Variants in PTPRJ observed in about 807,000 individuals in gnomAD.
The protein encoded by PTPRJ is receptor-type tyrosine-protein phosphatase eta.
In PTPRJ, 129 loss-of-function variants were observed where a neutral mutation model predicts 141.3. That is an observed-to-expected ratio of 0.91 (90% CI 0.79 to 1.06). The LOEUF (loss-of-function observed/expected upper bound fraction) is 1.06, where lower values mean the gene tolerates loss of function less well. PTPRJ is among the 50% of genes least tolerant of loss of function. The pLI, the probability that PTPRJ is intolerant of heterozygous loss-of-function variation, is 0.00. For synonymous variants in PTPRJ, 610 were observed against 640.5 expected (o/e 0.95, Z 0.72); for missense variants, 1,601 against 1,679.7 (o/e 0.95, Z 0.82).
At chr11:48,146,302 A>G (rs1366062230) in intron 14 of PTPRJ, among the ~76,000 whole-genome samples, 1 of 152,220 alleles carries the variant, frequency 6.6e-6, no homozygotes, top group Non-Finnish European at 1.5e-5. Context: ...CAGGGATCCA[A>G]GAGGGGTGCA....
intron 1 of PTPRJ, among the ~76,000 whole-genome samples, chr11:47,995,777 C>T (rs538116521): frequency 2.0e-5 from 3 of 152,196 alleles, no homozygotes; most frequent in East Asian, 1.9e-4. Flanking sequence ...TGGTGGCTCA[C>T]GCCAGTAGTC....
rs75992819 is a variant in PTPRJ at position 47,988,204 on chromosome 11, G to C, written c.96+7196G>C. Among the ~76,000 whole-genome samples, 1,492 of 152,172 alleles carry C rather than the reference G, an allele frequency of 9.8e-3. 30 individuals are homozygous for C. Among genetic ancestry groups the C allele is most frequent in the African/African-American group, 0.034 (1,426 of 41,494 alleles). On this transcript the variant is annotated intron_variant, in intron 1 of 24. Coordinates refer to ENST00000418331, the MANE Select transcript of PTPRJ (RefSeq NM_002843.4). Reference sequence around the variant, plus strand: ...AACACAGTGGTTCTGAATCTTTCTTGGGGGGGAAAAGAAGAGATACAAGAC... The same window carrying C: ...AACACAGTGGTTCTGAATCTTTCTTCGGGGGGAAAAGAAGAGATACAAGAC...
Position 48,121,243 on chromosome 11 carries a change from C to G in PTPRJ, c.593C>G (p.Pro198Arg). Residue 198 changes from proline to arginine, a missense_variant, in exon 4 of 25, where the codon CCC becomes CGC. Physicochemically the swap from Pro to Arg is moderately radical, Grantham distance 103 (BLOSUM62 -2). Transcript: ENST00000418331. ...ATAGGCAATGAGACTTGGGGAGATCCCAGAGTCATAAAAGTCATCACAGGT... is the reference window on the plus strand; with the variant it reads ...ATAGGCAATGAGACTTGGGGAGATCGCAGAGTCATAAAAGTCATCACAGGT... ...PGIGNETWGDPRVIKVITEPI... is the reference protein window; with the variant it reads ...PGIGNETWGDRRVIKVITEPI... 6.2e-7 allele frequency: 1 copy of G among 1,614,010 alleles called. No homozygotes were observed. Among genetic ancestry groups the G allele is most frequent in the South Asian group, 1.1e-5 (1 of 91,072 alleles).
intron 14 of PTPRJ, 108 bp from the exon 15 acceptor site, chr11:48,146,768 G>A (rs1590557077): frequency 1.3e-6 from 1 of 796,544 alleles, no homozygotes; most frequent in Admixed American, 1.8e-5. Flanking sequence ...TGTGTGTATG[G>A]TATACACACT....
intron 1 of PTPRJ, among the ~76,000 whole-genome samples, chr11:47,982,482 T>A (rs976391851): frequency 6.6e-6 from 1 of 152,214 alleles, no homozygotes; most frequent in Admixed American, 6.5e-5. Flanking sequence ...GTGGGGGCTG[T>A]CTTCTCCCTG....
chr11:48,006,051 C>G (rs761676529), intron 1 of PTPRJ, among the ~76,000 whole-genome samples: 1 of 152,176 alleles, frequency 6.6e-6, no homozygotes, highest in Non-Finnish European at 1.5e-5. Flanking sequence ...CAGGCTGGAC[C>G]TGGTTGGGCA....
chr11:47,984,223 A>AAGGGG (rs1565242611), intron 1 of PTPRJ, among the ~76,000 whole-genome samples: 16 of 152,254 alleles, frequency 1.1e-4, no homozygotes, highest in African/African-American at 3.9e-4. Context: ...CAAATGAGCA[A>AAGGGG]TTTTGGTCAG....
chr11:48,156,188 T>C, intron 21 of PTPRJ, 69 bp downstream of exon 21: 1 of 1,333,990 alleles, frequency 7.5e-7, no homozygotes, highest in Non-Finnish European at 1.0e-6. Context: ...CAGAAGGGTA[T>C]CTTAAAAACC....
rs1294309088 is a variant in PTPRJ at position 47,980,571 on chromosome 11, A to C, written c.-342A>C. 3.4e-5 allele frequency: 33 copies of C among 982,752 alleles called. No homozygotes were observed. Among genetic ancestry groups the C allele is most frequent in the East Asian group, 1.1e-4 (1 of 8,734 alleles). The allele number at this position is 982,752 out of a possible 1,614,324, so 60.9% of individuals were successfully genotyped here. ...GGCTCCCTGCAGCAGCCCCAGCCGCATGACGCGCGGAGGAGGCAGCGGGAG... is the reference window on the plus strand; with the variant it reads ...GGCTCCCTGCAGCAGCCCCAGCCGCCTGACGCGCGGAGGAGGCAGCGGGAG... On this transcript the variant is annotated 5_prime_UTR_variant, in exon 1 of 25. It removes an upstream start codon present in the reference 5' UTR. Coordinates refer to ENST00000418331, the MANE Select transcript of PTPRJ (RefSeq NM_002843.4).
At chr11:48,068,942 C>G (rs924077692) in intron 1 of PTPRJ, among the ~76,000 whole-genome samples, 1 of 152,196 alleles carries the variant, frequency 6.6e-6, no homozygotes, top group Non-Finnish European at 1.5e-5. Flanking sequence ...TGCTGATACT[C>G]TTATTTTTAT....
intron 1 of PTPRJ, among the ~76,000 whole-genome samples, chr11:48,093,685 G>T (rs1485228995): frequency 2.0e-5 from 3 of 151,634 alleles, no homozygotes; most frequent in Non-Finnish European, 4.4e-5. Context: ...AGCAAATGTT[G>T]TGAATTTGGA....
Position 48,130,712 on chromosome 11 carries a change from A to G in PTPRJ, c.1611A>G (p.Arg537=), listed in dbSNP as rs778409068. The G allele has an allele frequency of 1.2e-6, 2 of 1,604,766 alleles. No individual in the cohort carries two copies. The highest frequency in any genetic ancestry group is 2.2e-5 in the South Asian group (2 of 90,464). Residue 537 remains arginine, a synonymous_variant, in exon 8 of 25, where the codon AGA becomes AGG. Coordinates refer to ENST00000418331, the MANE Select transcript of PTPRJ (RefSeq NM_002843.4). The part of the protein sequence containing the change: ...TEGASRTVCN[R]TVPSAVFDIH... ...GGGCATCTCGGACAGTTTGCAATAG[A>G]ACTGGTAAGCAAATAGGCTTTTCTG...
At chr11:48,024,377 T>C (rs1397879490) in intron 1 of PTPRJ, among the ~76,000 whole-genome samples, 4 of 152,138 alleles carry the variant, frequency 2.6e-5, no homozygotes, top group Admixed American at 2.6e-4. Flanking sequence ...TTTGTATTTT[T>C]ACTACAGGCA....
intron 18 of PTPRJ, among the ~76,000 whole-genome samples, chr11:48,152,350 C>G (rs1209130989): frequency 2.6e-5 from 4 of 152,072 alleles, no homozygotes; most frequent in Admixed American, 2.6e-4. Flanking sequence ...GATATTAGCC[C>G]TTTGTCAGAT....
At chr11:48,109,084 A>G (rs1856371551) in intron 1 of PTPRJ, among the ~76,000 whole-genome samples, 2 of 151,972 alleles carry the variant, frequency 1.3e-5, no homozygotes, top group African/African-American at 4.8e-5. Context: ...GTCTGGGCAG[A>G]GTGTGTTTGT....
intron 15 of PTPRJ, among the ~76,000 whole-genome samples, 189 bp from the exon 16 acceptor site, chr11:48,149,258 A>G (rs575588168): frequency 1.1e-4 from 17 of 152,326 alleles, no homozygotes; most frequent in African/African-American, 4.1e-4. Flanking sequence ...CAAATTTGTA[A>G]TTAGCATTTG....
chr11:48,075,914 A>C (rs10769313), intron 1 of PTPRJ, among the ~76,000 whole-genome samples: 1 of 151,686 alleles, frequency 6.6e-6, no homozygotes, highest in Non-Finnish European at 1.5e-5. Flanking sequence ...CTCTCCTGGA[A>C]CTGGGTGTTT....
chr11:47,992,106 G>A (rs1324657024), intron 1 of PTPRJ, among the ~76,000 whole-genome samples: 1 of 151,876 alleles, frequency 6.6e-6, no homozygotes, highest in Non-Finnish European at 1.5e-5. Flanking sequence ...TAATTGACTT[G>A]TCCAATTCAG....
intron 21 of PTPRJ, 148 bp downstream of exon 21, chr11:48,156,267 C>A: frequency 2.9e-6 from 2 of 686,004 alleles, no homozygotes; most frequent in Non-Finnish European, 4.6e-6. Flanking sequence ...GTCTTTTTTT[C>A]CCCATAAGAG....
Sources: gnomAD v4.1 joint callset for allele counts (sites outside exome capture counted in the v4.1 genomes callset) on GRCh38, gnomAD v4.1.1 for gene constraint, MANE v1.5 for transcripts, NCBI Gene and HGNC (gene_info 2026-07-23, HGNC 2026-07-21) for gene names.